CDYL2: variants seen among roughly 807,000 people sequenced by gnomAD.
CDYL2 encodes the protein chromodomain Y-like protein 2.
Under a neutral mutation model 49.4 loss-of-function variants are expected in CDYL2, and 23 were observed. The observed-to-expected ratio is 0.47, with a 90% CI of 0.34 to 0.66. CDYL2 has a LOEUF of 0.66. CDYL2 is among the 30% of genes least tolerant of loss of function. The pLI is 0.01. For synonymous variants in CDYL2, 360 were observed against 268.8 expected (o/e 1.34, Z -3.32); for missense variants, 678 against 656.4 (o/e 1.03, Z -0.36).
At chr16:80,725,031 C>T (rs1362423913) in intron 1 of CDYL2, among the ~76,000 whole-genome samples, 1 of 152,196 alleles carries the variant, frequency 6.6e-6, no homozygotes, top group African/African-American at 2.4e-5. Context: ...CACCTGCCTG[C>T]CCCACTCCTG....
chr16:80,654,293 T>C (rs1194965161), intron 2 of CDYL2, among the ~76,000 whole-genome samples: 1 of 152,218 alleles, frequency 6.6e-6, no homozygotes, highest in Non-Finnish European at 1.5e-5. Context: ...TTACTGTGTG[T>C]ACACAGCCTG....
intron 1 of CDYL2, among the ~76,000 whole-genome samples, chr16:80,737,070 GC>G (rs1463294005): frequency 6.6e-6 from 1 of 152,156 alleles, no homozygotes; most frequent in Non-Finnish European, 1.5e-5. Context: ...TTTGCTTCAT[GC>G]CCCCTTTGCA....
At chr16:80,646,387 C>G (rs1043305671) in intron 2 of CDYL2, among the ~76,000 whole-genome samples, 2 of 152,048 alleles carry the variant, frequency 1.3e-5, no homozygotes, top group African/African-American at 4.8e-5. Context: ...GCACAGAATT[C>G]CCAGAAAACA....
chr16:80,620,558 A>G (rs1907032562), intron 4 of CDYL2, among the ~76,000 whole-genome samples: 1 of 152,262 alleles, frequency 6.6e-6, no homozygotes, highest in Admixed American at 6.5e-5. Context: ...AGATGAAAAT[A>G]TAGGATGCCC....
intron 1 of CDYL2, among the ~76,000 whole-genome samples, chr16:80,773,884 C>T (rs998338620): frequency 2.6e-5 from 4 of 151,674 alleles, no homozygotes; most frequent in Non-Finnish European, 4.4e-5. Context: ...AAAACAAGCA[C>T]AGAAAAAGTA....
At chr16:80,781,135 T>G (rs1441798900) in intron 1 of CDYL2, among the ~76,000 whole-genome samples, 3 of 152,108 alleles carry the variant, frequency 2.0e-5, no homozygotes, top group African/African-American at 7.2e-5. Flanking sequence ...AGAGTGAAAT[T>G]TAACATAAAT....
chr16:80,665,748 G>T (rs1260829827), intron 2 of CDYL2, among the ~76,000 whole-genome samples: 1 of 152,016 alleles, frequency 6.6e-6, no homozygotes, highest in African/African-American at 2.4e-5. Context: ...CAAACTCGGA[G>T]GCAGAACCTC....
At chr16:80,604,617 AT>A in intron 6 of CDYL2, 71 bp from the exon 7 acceptor site, 1 of 1,547,914 alleles carries the variant, frequency 6.5e-7, no homozygotes, top group Non-Finnish European at 8.9e-7. Flanking sequence ...TACCTGGCCC[AT>A]GGGGCACTGG....
At chr16:80,651,443 A>C (rs1269921791) in intron 2 of CDYL2, among the ~76,000 whole-genome samples, 1 of 152,184 alleles carries the variant, frequency 6.6e-6, no homozygotes, top group Non-Finnish European at 1.5e-5. Flanking sequence ...CAGTGGAATA[A>C]GGGGAAGGTC....
intron 1 of CDYL2, among the ~76,000 whole-genome samples, chr16:80,734,616 G>A (rs925826381): frequency 6.6e-6 from 1 of 152,128 alleles, no homozygotes; most frequent in African/African-American, 2.4e-5. Flanking sequence ...GACAATTAAA[G>A]GCATGGGGCT....
chr16:80,679,520 C>G (rs1909890416), intron 2 of CDYL2, among the ~76,000 whole-genome samples: 1 of 152,156 alleles, frequency 6.6e-6, no homozygotes, highest in Admixed American at 6.5e-5. Context: ...CGGTCTCCAC[C>G]TCTGTAAAAT....
chr16:80,737,697 G>A (rs1428057868), intron 1 of CDYL2, among the ~76,000 whole-genome samples: 1 of 152,162 alleles, frequency 6.6e-6, no homozygotes, highest in South Asian at 2.1e-4. Flanking sequence ...AGACACAGAT[G>A]GCTGGGCTGC....
intron 1 of CDYL2, among the ~76,000 whole-genome samples, chr16:80,739,583 C>T (rs1384411057): frequency 6.6e-6 from 1 of 152,146 alleles, no homozygotes; most frequent in Admixed American, 6.5e-5. Context: ...CCAGCAGTCC[C>T]AGGATAGCAC....
intron 1 of CDYL2, among the ~76,000 whole-genome samples, chr16:80,765,025 A>G (rs935086344): frequency 8.2e-5 from 12 of 145,522 alleles, no homozygotes; most frequent in African/African-American, 3.1e-4. Flanking sequence ...GCGCCACTGC[A>G]CTCCAGCCTG....
At chr16:80,685,441 G>A (rs1036845428) in intron 1 of CDYL2, among the ~76,000 whole-genome samples, 1 of 152,212 alleles carries the variant, frequency 6.6e-6, no homozygotes, top group Non-Finnish European at 1.5e-5. Context: ...GCCTTGCAAG[G>A]TTTCACAAGA....
intron 1 of CDYL2, among the ~76,000 whole-genome samples, chr16:80,746,698 G>A (rs34800251): frequency 6.6e-5 from 10 of 152,178 alleles, no homozygotes; most frequent in Admixed American, 6.5e-4. Context: ...CCCTTTTGCA[G>A]GTGTGAGGGT....
intron 4 of CDYL2, among the ~76,000 whole-genome samples, chr16:80,619,746 C>G (rs1906993389): frequency 6.6e-6 from 1 of 152,234 alleles, no homozygotes; most frequent in South Asian, 2.1e-4. Flanking sequence ...GATTCTGCAA[C>G]AGGAAACACA....
At chr16:80,626,275 T>TAAAAAAAAAAA (rs11358031) in intron 3 of CDYL2, among the ~76,000 whole-genome samples, 1 of 92,294 alleles carries the variant, frequency 1.1e-5, no homozygotes. Context: ...AAATCCCATC[T>TAAAAAAAAAAA]AAAAAAAAAA....
chr16:80,767,886 G>C (rs1271534830), intron 1 of CDYL2, among the ~76,000 whole-genome samples: 1 of 152,238 alleles, frequency 6.6e-6, no homozygotes, highest in African/African-American at 2.4e-5. Context: ...CAGTGTCACA[G>C]TCTCGCCTCT....
Sources: gnomAD v4.1 joint callset for allele counts (sites outside exome capture counted in the v4.1 genomes callset) on GRCh38, gnomAD v4.1.1 for gene constraint, MANE v1.5 for transcripts, NCBI Gene and HGNC (gene_info 2026-07-23, HGNC 2026-07-21) for gene names.